Variants in DCC observed in about 807,000 individuals in gnomAD.
The protein encoded by DCC is netrin receptor DCC.
In DCC, 58 loss-of-function variants were observed where a neutral mutation model predicts 172.5. That is an observed-to-expected ratio of 0.34 (90% confidence interval 0.27 to 0.42). The LOEUF (loss-of-function observed/expected upper bound fraction) is 0.42. Among genes scored for constraint, DCC ranks in the 10% least tolerant of loss-of-function variants. DCC has a pLI of 1.00. For missense variants in DCC, 1,740 were observed against 1,791.0 expected (o/e 0.97, Z 0.51); for synonymous variants, 709 against 644.5 (o/e 1.10, Z -1.52).
At chr18:52,908,561 G>T (rs1417297914) in intron 3 of DCC, among the ~76,000 whole-genome samples, 2 of 152,108 alleles carry the variant, frequency 1.3e-5, no homozygotes, top group Non-Finnish European at 2.9e-5. Context: ...TTTTCCAGTG[G>T]TATTAAGGAA....
intron 14 of DCC, among the ~76,000 whole-genome samples, chr18:53,325,363 G>C (rs2057455617): frequency 6.6e-6 from 1 of 152,090 alleles, no homozygotes; most frequent in South Asian, 2.1e-4. Flanking sequence ...CCAAACCTAA[G>C]GGGTTATATC....
At chr18:52,967,344 G>C (rs1763491054) in intron 5 of DCC, among the ~76,000 whole-genome samples, 1 of 152,102 alleles carries the variant, frequency 6.6e-6, no homozygotes, top group African/African-American at 2.4e-5. Context: ...GGCCTGCCTA[G>C]CAATACTATT....
chr18:52,815,108 T>G (rs1034577657), intron 2 of DCC, among the ~76,000 whole-genome samples: 6 of 152,130 alleles, frequency 3.9e-5, no homozygotes, highest in Non-Finnish European at 8.8e-5. Context: ...TAAAAGACTT[T>G]ATGATGAGAG....
Position 52,902,195 on chromosome 18 carries a change from C to T in DCC, c.413-3849C>T, listed in dbSNP as rs59420338. On this transcript the variant is annotated intron_variant, in intron 2 of 28. Coordinates refer to ENST00000442544, the MANE Select transcript of DCC (RefSeq NM_005215.4). Reference sequence around the variant, plus strand: ...AAATGAACCTGAAAGGGACATAGTGCTAGATACCTGGGCACATATTAAACA... The same window carrying T: ...AAATGAACCTGAAAGGGACATAGTGTTAGATACCTGGGCACATATTAAACA... Among the ~76,000 whole-genome samples the T allele has an allele frequency of 1.2e-3, 185 of 152,286 alleles. 1 individual carries two copies. The highest frequency in any genetic ancestry group is 4.2e-3 in the African/African-American group (175 of 41,566).
Position 52,891,956 on chromosome 18 carries a change from G to C in DCC, c.413-14088G>C, listed in dbSNP as rs572867529. ...CTTCCAGATATGTAAATCTGATCACGTCATTTCCTTGCTTAAAATCCCTTA... is the reference window on the plus strand; with the variant it reads ...CTTCCAGATATGTAAATCTGATCACCTCATTTCCTTGCTTAAAATCCCTTA... On this transcript the variant is annotated intron_variant, in intron 2 of 28. Transcript: ENST00000442544. Among the ~76,000 whole-genome samples the C allele has an allele frequency of 1.6e-4, 24 of 151,964 alleles. 1 individual carries two copies. Among genetic ancestry groups the C allele is most frequent in the Admixed American group, 1.3e-4 (2 of 15,210 alleles).
chr18:52,850,880 C>T (rs1199133546), intron 2 of DCC, among the ~76,000 whole-genome samples: 10 of 152,066 alleles, frequency 6.6e-5, no homozygotes, highest in Admixed American at 2.6e-4. Context: ...AACCAGGTTC[C>T]GTCAGGTAAA....
chr18:53,192,955 C>G (rs1196713174), intron 9 of DCC, among the ~76,000 whole-genome samples: 3 of 152,186 alleles, frequency 2.0e-5, no homozygotes, highest in Non-Finnish European at 2.9e-5. Context: ...ATCAACTTCA[C>G]TCTCTTACCA....
intron 15 of DCC, among the ~76,000 whole-genome samples, chr18:53,359,665 C>A (rs1180312562): frequency 6.6e-6 from 1 of 152,072 alleles, no homozygotes; most frequent in South Asian, 2.1e-4. Flanking sequence ...AAAGAATGAG[C>A]CATGAAAAGG....
At chr18:53,042,047 C>T (rs8085098) in intron 5 of DCC, among the ~76,000 whole-genome samples, 46,727 of 151,644 alleles carry the variant, frequency 0.31, 8,296 homozygotes, top group African/African-American at 0.49. Flanking sequence ...CTGTGTTGAA[C>T]GGGAGTGGTG....
At position 53,279,652 on chromosome 18, in the gene DCC, A is replaced by T. The variant is rs934265545; in HGVS notation, c.1912-25926A>T. 2.2e-4 allele frequency among the ~76,000 whole-genome samples: 34 copies of T among 151,610 alleles called. 1 individual carries two copies. The highest frequency in any genetic ancestry group is 7.0e-4 in the African/African-American group (29 of 41,166). On this transcript the variant is annotated intron_variant, in intron 12 of 28. Transcript: ENST00000442544. ...CCCTAAAACTTAAAGTATAATAAAA[A>T]AAAAAAAAAAAACCTGTGACTTAAA...
intron 2 of DCC, among the ~76,000 whole-genome samples, chr18:52,905,392 A>C (rs1405130168): frequency 6.6e-6 from 1 of 152,180 alleles, no homozygotes; most frequent in African/African-American, 2.4e-5. Context: ...AGGTGGCTCA[A>C]CTAGTCTAGA....
At chr18:53,153,790 C>G (rs561902961) in intron 7 of DCC, among the ~76,000 whole-genome samples, 2 of 152,100 alleles carry the variant, frequency 1.3e-5, no homozygotes, top group Non-Finnish European at 2.9e-5. Context: ...TTGGGATCTG[C>G]TTCTGTGAAG....
At chr18:53,002,163 G>A (rs944940473) in intron 5 of DCC, among the ~76,000 whole-genome samples, 2 of 152,040 alleles carry the variant, frequency 1.3e-5, no homozygotes, top group African/African-American at 2.4e-5. Flanking sequence ...TTAACACTAT[G>A]TTTGTGCTTA....
chr18:52,525,650 G>T (rs1051522358), intron 1 of DCC, among the ~76,000 whole-genome samples: 1 of 152,162 alleles, frequency 6.6e-6, no homozygotes, highest in Non-Finnish European at 1.5e-5. Flanking sequence ...TATAACTAGG[G>T]TTTTTAAATA....
intron 1 of DCC, among the ~76,000 whole-genome samples, chr18:52,688,126 C>CTT (rs35412820): frequency 2.8e-5 from 4 of 144,128 alleles, no homozygotes; most frequent in African/African-American, 7.6e-5. Context: ...CAGGGATCTT[C>CTT]TTTTTTTTTT....
intron 1 of DCC, among the ~76,000 whole-genome samples, chr18:52,371,543 A>G (rs2144298729): frequency 6.6e-6 from 1 of 152,332 alleles, no homozygotes; most frequent in Non-Finnish European, 1.5e-5. Context: ...TAACTCTTTT[A>G]ATTCCATTTT....
chr18:52,925,200 T>C (rs1222384933), intron 4 of DCC, 34 bp from the exon 5 acceptor site: 1 of 1,605,560 alleles, frequency 6.2e-7, no homozygotes, highest in East Asian at 2.2e-5. Context: ...TATACATATG[T>C]TAATTTACTC....
At chr18:52,354,091 A>G (rs954089130) in intron 1 of DCC, among the ~76,000 whole-genome samples, 18 of 152,220 alleles carry the variant, frequency 1.2e-4, no homozygotes, top group Non-Finnish European at 1.9e-4. Context: ...TAGGAGAAAG[A>G]GAAAGCATCA....
intron 1 of DCC, among the ~76,000 whole-genome samples, chr18:52,564,506 AT>A (rs2033109250): frequency 6.6e-6 from 1 of 152,118 alleles, no homozygotes; most frequent in African/African-American, 2.4e-5. Context: ...TTTGAAAGAC[AT>A]TTTGACAAAT....
Sources: gnomAD v4.1 joint callset for allele counts (sites outside exome capture counted in the v4.1 genomes callset) on GRCh38, gnomAD v4.1.1 for gene constraint, MANE v1.5 for transcripts, NCBI Gene and HGNC (gene_info 2026-07-23, HGNC 2026-07-21) for gene names.